Variants in CREBRF observed in about 807,000 individuals in gnomAD.
The protein encoded by CREBRF is CREB3 regulatory factor, also known as UPF0474 protein C5orf41.
CREBRF carries 5 observed loss-of-function variants against 66.1 expected under a neutral mutation model. The observed-to-expected ratio is 0.08, with a 90% CI of 0.04 to 0.16. The LOEUF (loss-of-function observed/expected upper bound fraction) is 0.16. Ranked by LOEUF, CREBRF falls within the 10% of genes least tolerant of loss-of-function variation. The probability of loss-of-function intolerance (pLI) is 1.00; values close to 1 mark genes in which losing one functional copy is unlikely to be tolerated. For missense variants in CREBRF, 531 were observed against 744.9 expected (o/e 0.71, Z 3.34); for synonymous variants, 229 against 264.4 (o/e 0.87, Z 1.30).
intron 4 of CREBRF, among the ~76,000 whole-genome samples, chr5:173,097,850 T>C (rs1758514969): frequency 6.6e-6 from 1 of 152,160 alleles, no homozygotes; most frequent in Non-Finnish European, 1.5e-5. Flanking sequence ...ATCTTTTCTA[T>C]TGTTTTTTAG....
chr5:173,111,702 A>T (rs1156511134), intron 6 of CREBRF, among the ~76,000 whole-genome samples: 2 of 152,214 alleles, frequency 1.3e-5, no homozygotes, highest in African/African-American at 4.8e-5. Flanking sequence ...GGCAATTTTG[A>T]ATAAAACCAC....
chr5:173,064,392 T>A (rs1757370966), intron 1 of CREBRF, among the ~76,000 whole-genome samples: 1 of 152,054 alleles, frequency 6.6e-6, no homozygotes, highest in Non-Finnish European at 1.5e-5. Context: ...CAGTTTTTGT[T>A]GTTGTTGTTT....
At position 173,077,446 on chromosome 5, in the gene CREBRF, G is replaced by GC. The variant is rs570870685; in HGVS notation, c.-191-3138dup. On this transcript the variant is annotated intron_variant, in intron 1 of 8. Transcript: ENST00000296953. ...TTTCACTCTGTTGCCCAGGCTTACT[G>GC]CAGTGGCATGATCTCAGCTTACTGC... Among the ~76,000 whole-genome samples the GC allele has an allele frequency of 1.0e-3, 153 of 151,968 alleles. 2 individuals are homozygous for GC. The South Asian group carries it at 0.015, about 15-fold the overall frequency.
At chr5:173,100,131 A>AATT (rs1333613309) in intron 4 of CREBRF, among the ~76,000 whole-genome samples, 32 of 42,864 alleles carry the variant, frequency 7.5e-4, no homozygotes, top group Middle Eastern at 0.016. Flanking sequence ...TATATATATA[A>AATT]TTTTTTTTTT....
intron 1 of CREBRF, among the ~76,000 whole-genome samples, chr5:173,069,963 C>T (rs1055985202): frequency 9.3e-5 from 14 of 151,174 alleles, no homozygotes; most frequent in South Asian, 2.1e-4. Flanking sequence ...AATGCAGTGG[C>T]GTGATCTCGG....
intron 1 of CREBRF, among the ~76,000 whole-genome samples, chr5:173,074,406 T>G (rs1757699336): frequency 6.6e-6 from 1 of 152,104 alleles, no homozygotes; most frequent in Non-Finnish European, 1.5e-5. Flanking sequence ...GATAGGAGCC[T>G]TTGGAAAGGA....
At chr5:173,110,961 CTTTA>C (rs2113774042) in intron 6 of CREBRF, among the ~76,000 whole-genome samples, 1 of 152,168 alleles carries the variant, frequency 6.6e-6, no homozygotes, top group African/African-American at 2.4e-5. Flanking sequence ...TTTTTCATAG[CTTTA>C]TTTTTTGTTT....
chr5:173,083,054 C>G (rs1758014638), intron 2 of CREBRF, among the ~76,000 whole-genome samples: 1 of 150,894 alleles, frequency 6.6e-6, no homozygotes, highest in Non-Finnish European at 1.5e-5. Context: ...TAGTGAAACC[C>G]CATCTCTACT....
rs1759619843 is a variant in CREBRF, at chr5:173,137,711, A to G, written c.*3966A>G. On this transcript the variant is annotated 3_prime_UTR_variant, in exon 9 of 9. Transcript: ENST00000296953. ...TATATATATATATAATATTCATACA[A>G]TGATCTGATGTTTGCCTTCATTAAT... 6 of 151,906 alleles carry G rather than the reference A, an allele frequency of 3.9e-5. No homozygotes were observed. Among genetic ancestry groups the G allele is most frequent in the Admixed American group, 3.3e-4 (5 of 15,248 alleles). 9.4% of individuals were successfully genotyped at this position (151,906 alleles called of 1,614,324 possible).
At chr5:173,058,701 G>A (rs1757155545) in intron 1 of CREBRF, among the ~76,000 whole-genome samples, 1 of 150,750 alleles carries the variant, frequency 6.6e-6, no homozygotes, top group Non-Finnish European at 1.5e-5. Context: ...TAGCCAGGAC[G>A]GTCTCGATCT....
At chr5:173,115,566 A>G (rs948746522) in intron 7 of CREBRF, among the ~76,000 whole-genome samples, 3 of 152,180 alleles carry the variant, frequency 2.0e-5, no homozygotes, top group Non-Finnish European at 4.4e-5. Flanking sequence ...TTTTGTTTCA[A>G]GTGATATAGG....
intron 7 of CREBRF, among the ~76,000 whole-genome samples, chr5:173,118,399 T>A (rs1759059803): frequency 6.6e-6 from 1 of 152,228 alleles, no homozygotes; most frequent in African/African-American, 2.4e-5. Context: ...ATGTTTTGTG[T>A]TGTAAGAAAC....
chr5:173,080,425 A>G (rs1757907105), intron 1 of CREBRF, among the ~76,000 whole-genome samples, 160 bp from the exon 2 acceptor site: 1 of 152,126 alleles, frequency 6.6e-6, no homozygotes, highest in Non-Finnish European at 1.5e-5. Context: ...AATAGTAAGT[A>G]TTAAGATATG....
chr5:173,101,003 A>G (rs1325083596), intron 4 of CREBRF, among the ~76,000 whole-genome samples: 1 of 151,392 alleles, frequency 6.6e-6, no homozygotes, highest in Non-Finnish European at 1.5e-5. Flanking sequence ...GCTTTTATTT[A>G]TTTTTTTCAT....
At position 173,091,391 on chromosome 5, in the gene CREBRF, C is replaced by A. The variant is rs1758335987; in HGVS notation, c.1212C>A (p.Phe404Leu). 6.2e-7 allele frequency: 1 copy of A among 1,613,734 alleles called. No homozygotes were observed. Among genetic ancestry groups the A allele is most frequent in the Non-Finnish European group, 8.5e-7 (1 of 1,179,878 alleles). Residue 404 changes from phenylalanine (F) to leucine (L), a missense_variant, in exon 4 of 9, where the codon TTC becomes TTA. Physicochemically the swap from Phe to Leu is conservative, Grantham distance 22 (BLOSUM62 0). Around this residue, in one of 5 missense-constraint regions of CREBRF, gnomAD observed 309 missense variants for 341.4 expected, o/e 0.90. Coordinates refer to ENST00000296953, the MANE Select transcript of CREBRF (RefSeq NM_153607.3). Reference protein sequence around the residue: ...DDKDDDISDTFSEPGYENDSV... With the variant: ...DDKDDDISDTLSEPGYENDSV... ...AGGATGATGATATTAGTGATACTTT[C>A]TCTGAACCAGGTATTATAATGCTTG...
At chr5:173,056,810 C>G (rs934102041) in intron 1 of CREBRF, among the ~76,000 whole-genome samples, 40 of 150,300 alleles carry the variant, frequency 2.7e-4, no homozygotes, top group African/African-American at 9.5e-4. Context: ...CCGGGCCGCC[C>G]GGCCCTTCCC....
intron 8 of CREBRF, among the ~76,000 whole-genome samples, chr5:173,130,393 GTATACTTATT>G (rs1229774408): frequency 6.6e-6 from 1 of 152,084 alleles, no homozygotes; most frequent in Non-Finnish European, 1.5e-5. Flanking sequence ...AACATAAAAT[GTATACTTATT>G]TTGTCTGTCA....
At chr5:173,117,684 C>G (rs1214883428) in intron 7 of CREBRF, among the ~76,000 whole-genome samples, 2 of 135,782 alleles carry the variant, frequency 1.5e-5, no homozygotes, top group Non-Finnish European at 3.2e-5. Flanking sequence ...CTCTCTCTCT[C>G]TCTCTCCTCC....
At chr5:173,074,287 G>A (rs926936521) in intron 1 of CREBRF, among the ~76,000 whole-genome samples, 6 of 140,340 alleles carry the variant, frequency 4.3e-5, no homozygotes, top group African/African-American at 1.3e-4. Context: ...GGCAACAAGA[G>A]TGAAAGTCTG....
Sources: gnomAD v4.1 joint callset for allele counts (sites outside exome capture counted in the v4.1 genomes callset) on GRCh38, gnomAD v4.1.1 for gene constraint, gnomAD v4.1.1 regional missense constraint, MANE v1.5 for transcripts, NCBI Gene and HGNC (gene_info 2026-07-23, HGNC 2026-07-21) for gene names.